CTNNBL1: variants seen among roughly 807,000 people sequenced by gnomAD.
CTNNBL1 encodes beta-catenin-like protein 1.
Under a neutral mutation model 72.7 loss-of-function variants are expected in CTNNBL1, and 31 were observed. That is an observed-to-expected ratio of 0.43 (90% CI 0.32 to 0.58). CTNNBL1 has a LOEUF of 0.58. Ranked by LOEUF, CTNNBL1 falls within the 20% of genes least tolerant of loss-of-function variation. The probability of loss-of-function intolerance (pLI) is 0.08; values close to 1 mark genes in which losing one functional copy is unlikely to be tolerated. For missense variants in CTNNBL1, 534 were observed against 725.1 expected, an observed-to-expected ratio of 0.74 and a Z score of 3.03; for synonymous variants, 240 against 267.3, an observed-to-expected ratio of 0.90 and a Z score of 1.00.
chr20:37,740,299 C>T (rs773532454), intron 3 of CTNNBL1, among the ~76,000 whole-genome samples: 1 of 151,938 alleles, frequency 6.6e-6, no homozygotes, highest in South Asian at 2.1e-4. Context: ...TCTAGATCAG[C>T]GAGGTGAAAT....
chr20:37,721,959 G>A (rs1431043829), intron 1 of CTNNBL1, among the ~76,000 whole-genome samples: 3 of 152,118 alleles, frequency 2.0e-5, no homozygotes, highest in African/African-American at 4.8e-5. Context: ...TCCTCTGTCA[G>A]CAAGTATCAA....
At chr20:37,766,710 G>A (rs2073472017) in intron 6 of CTNNBL1, among the ~76,000 whole-genome samples, 1 of 152,156 alleles carries the variant, frequency 6.6e-6, no homozygotes, top group South Asian at 2.1e-4. Flanking sequence ...ATGGGGCTGG[G>A]ATTTGAGGAA....
At chr20:37,846,651 C>G (rs2122828624) in intron 13 of CTNNBL1, among the ~76,000 whole-genome samples, 1 of 152,142 alleles carries the variant, frequency 6.6e-6, no homozygotes, top group Non-Finnish European at 1.5e-5. Flanking sequence ...GTGTACATAC[C>G]CACTGTCCTG....
chr20:37,757,480 G>T, intron 4 of CTNNBL1, 79 bp from the exon 5 acceptor site: 1 of 945,198 alleles, frequency 1.1e-6, no homozygotes, highest in Non-Finnish European at 1.7e-6. Context: ...CAATTGATGA[G>T]GAAACGGAAG....
intron 13 of CTNNBL1, among the ~76,000 whole-genome samples, chr20:37,844,798 A>G (rs944179863): frequency 6.6e-6 from 1 of 152,092 alleles, no homozygotes; most frequent in Non-Finnish European, 1.5e-5. Flanking sequence ...AAATACAAAA[A>G]TTAGCTGGGC....
At chr20:37,822,761 T>C (rs2072120241) in intron 11 of CTNNBL1, among the ~76,000 whole-genome samples, 1 of 152,220 alleles carries the variant, frequency 6.6e-6, no homozygotes, top group Non-Finnish European at 1.5e-5. Context: ...GCCTTATTTT[T>C]TCACATCTGT....
intron 2 of CTNNBL1, among the ~76,000 whole-genome samples, chr20:37,734,492 G>A (rs548259544): frequency 6.6e-6 from 1 of 152,308 alleles, no homozygotes; most frequent in South Asian, 2.1e-4. Flanking sequence ...GCTGGTACTG[G>A]AGGATTAGGA....
At chr20:37,706,698 T>C (rs1415810759) in intron 1 of CTNNBL1, among the ~76,000 whole-genome samples, 1 of 152,206 alleles carries the variant, frequency 6.6e-6, no homozygotes, top group African/African-American at 2.4e-5. Context: ...TAATATATTG[T>C]CCTCCTCCCA....
intron 11 of CTNNBL1, among the ~76,000 whole-genome samples, chr20:37,837,538 C>A (rs1364322929): frequency 1.3e-5 from 2 of 152,166 alleles, no homozygotes; most frequent in East Asian, 3.9e-4. Context: ...TCAGAAAAAG[C>A]TGTTTACCTG....
chr20:37,869,186 T>C (rs1194188066), intron 15 of CTNNBL1, among the ~76,000 whole-genome samples: 1 of 152,134 alleles, frequency 6.6e-6, no homozygotes, highest in African/African-American at 2.4e-5. Flanking sequence ...GAATCCCACA[T>C]CCCATTTTCT....
intron 1 of CTNNBL1, among the ~76,000 whole-genome samples, chr20:37,705,425 C>G (rs962443242): frequency 3.9e-5 from 6 of 152,148 alleles, no homozygotes; most frequent in Admixed American, 1.3e-4. Context: ...CGTTATTTAT[C>G]TCATTACTAA....
intron 10 of CTNNBL1, among the ~76,000 whole-genome samples, chr20:37,782,530 A>G (rs925192286): frequency 1.3e-5 from 2 of 152,220 alleles, no homozygotes; most frequent in Non-Finnish European, 2.9e-5. Context: ...GAACAGCACT[A>G]TCCAGTCGAA....
intron 1 of CTNNBL1, among the ~76,000 whole-genome samples, chr20:37,706,063 A>G (rs1389803432): frequency 6.6e-6 from 1 of 152,210 alleles, no homozygotes; most frequent in Non-Finnish European, 1.5e-5. Context: ...ATTGTATCTG[A>G]ACAATGCACA....
chr20:37,866,889 A>G (rs2072540837), intron 15 of CTNNBL1, among the ~76,000 whole-genome samples: 1 of 152,122 alleles, frequency 6.6e-6, no homozygotes, highest in Non-Finnish European at 1.5e-5. Flanking sequence ...CTGAGATGCC[A>G]CCAGGAAAAG....
intron 7 of CTNNBL1, among the ~76,000 whole-genome samples, chr20:37,771,547 C>G (rs1353481860): frequency 6.6e-6 from 1 of 150,890 alleles, no homozygotes; most frequent in East Asian, 1.9e-4. Context: ...GAAACATTGG[C>G]CTTTGTTACC....
chr20:37,742,109 AT>A (rs1568759490), intron 3 of CTNNBL1, among the ~76,000 whole-genome samples: 1 of 152,240 alleles, frequency 6.6e-6, no homozygotes, highest in African/African-American at 2.4e-5. Flanking sequence ...ATGAGAAAGC[AT>A]TTCAACAAAT....
At chr20:37,708,579 C>A (rs1437864873) in intron 1 of CTNNBL1, among the ~76,000 whole-genome samples, 1 of 152,174 alleles carries the variant, frequency 6.6e-6, no homozygotes, top group Non-Finnish European at 1.5e-5. Context: ...GAACTAGTTT[C>A]TTTTCCATAG....
chr20:37,871,877 G>A (rs2072587768), intron 15 of CTNNBL1, 48 bp from the exon 16 acceptor site: 3 of 1,531,176 alleles, frequency 2.0e-6, no homozygotes, highest in African/African-American at 2.7e-5. Context: ...CAGCCACGGT[G>A]GATGCCATGC....
chr20:37,699,279 C>T (rs543816137), intron 1 of CTNNBL1, among the ~76,000 whole-genome samples: 59 of 152,214 alleles, frequency 3.9e-4, no homozygotes, highest in South Asian at 1.2e-3. Flanking sequence ...GGTAGTCTTA[C>T]TTCATAGTTG....
Sources: gnomAD v4.1 joint callset for allele counts (sites outside exome capture counted in the v4.1 genomes callset) on GRCh38, gnomAD v4.1.1 for gene constraint, MANE v1.5 for transcripts, NCBI Gene and HGNC (gene_info 2026-07-23, HGNC 2026-07-21) for gene names.